Variants in SLCO2A1 observed in about 807,000 individuals in gnomAD.
The protein encoded by SLCO2A1 is solute carrier organic anion transporter family member 2A1, also known as matrin F/G 1.
A neutral mutation model predicts 71.7 loss-of-function variants in SLCO2A1; 60 were observed. The ratio of observed to expected loss-of-function variants is 0.84; its 90% CI spans 0.68 to 1.04. The LOEUF (loss-of-function observed/expected upper bound fraction) is 1.04. Ranked by LOEUF, SLCO2A1 falls within the 50% of genes least tolerant of loss-of-function variation. The pLI, the probability that SLCO2A1 is intolerant of heterozygous loss-of-function variation, is 0.00. For synonymous variants in SLCO2A1, 308 were observed against 326.7 expected (o/e 0.94, Z 0.62); for missense variants, 745 against 813.4 (o/e 0.92, Z 1.02).
Position 133,942,584 on chromosome 3 carries a change from TC to T in SLCO2A1, c.1625+20del, listed in dbSNP as rs1933453052. Reference sequence around the variant, plus strand: ...GGGAAGGAGAAGCCACGCCCCAGACTCACAGAGGTTTGCCACTCACCGCAGA... The same window carrying T: ...GGGAAGGAGAAGCCACGCCCCAGACTACAGAGGTTTGCCACTCACCGCAGA... On this transcript the variant is annotated intron_variant, in intron 11 of 13. Transcript: ENST00000310926. 1.9e-6 allele frequency: 3 copies of T among 1,592,540 alleles called. No individual in the cohort carries two copies. In the African/African-American group the frequency reaches 4.0e-5, roughly 21 times the overall value.
intron 3 of SLCO2A1, among the ~76,000 whole-genome samples, chr3:133,973,236 G>A (rs1436961021): frequency 6.6e-6 from 1 of 152,216 alleles, no homozygotes; most frequent in Non-Finnish European, 1.5e-5. Context: ...ACTCAACATA[G>A]TAAACATGAT....
At position 133,961,708 on chromosome 3, in the gene SLCO2A1, A is replaced by G. The variant is rs549712823; in HGVS notation, c.398-6515T>C. Among the ~76,000 whole-genome samples the G allele has an allele frequency of 8.0e-4, 114 of 142,970 alleles. 1 individual carries two copies. The Middle Eastern group carries it at 0.021, about 26-fold the overall frequency. 93.8% of individuals were successfully genotyped at this position (142,970 alleles called of 152,430 possible). ...TAAAATATGTATTTAAAAATAATCA[A>G]TGGGCCCCAATTACATCCAAGTCTA... On this transcript the variant is annotated intron_variant, in intron 3 of 13. Transcript: ENST00000310926.
intron 1 of SLCO2A1, among the ~76,000 whole-genome samples, chr3:134,024,641 C>G (rs999355460): frequency 6.6e-6 from 1 of 152,182 alleles, no homozygotes; most frequent in African/African-American, 2.4e-5. Context: ...AAGCCTGGCC[C>G]CCAGGTTTAA....
intron 1 of SLCO2A1, among the ~76,000 whole-genome samples, chr3:134,009,619 C>T (rs905635723): frequency 6.6e-6 from 1 of 152,220 alleles, no homozygotes; most frequent in Non-Finnish European, 1.5e-5. Context: ...CGTAAATGCT[C>T]ATGTGCCATA....
At chr3:133,940,397 G>A (rs968669069) in intron 11 of SLCO2A1, among the ~76,000 whole-genome samples, 3 of 152,124 alleles carry the variant, frequency 2.0e-5, no homozygotes, top group Admixed American at 6.5e-5. Flanking sequence ...ACCCCAACTC[G>A]ACCTAGAAAG....
intron 11 of SLCO2A1, chr3:133,942,339 AG>A: frequency 2.9e-6 from 1 of 344,892 alleles, no homozygotes; most frequent in Non-Finnish European, 5.2e-6. Flanking sequence ...AGGCGCCAAC[AG>A]GGCCTGTGTC....
At position 134,024,685 on chromosome 3, in the gene SLCO2A1, G is replaced by A. The variant is rs574061000; in HGVS notation, c.96+5022C>T. On this transcript the variant is annotated intron_variant, in intron 1 of 13. Transcript: ENST00000310926. ...GCAGCAACAAGGGCCTTCTTGTCCT[G>A]TTAGCACAAGAAGCAGATAAACTAA... is the stretch of plus-strand genomic sequence containing the variant. 2.0e-5 allele frequency among the ~76,000 whole-genome samples: 3 copies of A among 152,328 alleles called. No homozygotes were observed. The East Asian group carries it at 5.8e-4, about 29-fold the overall frequency.
intron 1 of SLCO2A1, among the ~76,000 whole-genome samples, chr3:133,985,320 C>G (rs143959531): frequency 6.6e-6 from 1 of 152,342 alleles, no homozygotes; most frequent in African/African-American, 2.4e-5. Context: ...TTTAAGTCAA[C>G]CTTCCCATGC....
chr3:133,965,773 C>CAGGCAGCTTGGG (rs57891256), intron 3 of SLCO2A1, among the ~76,000 whole-genome samples: 2 of 146,094 alleles, frequency 1.4e-5, no homozygotes, highest in Non-Finnish European at 3.0e-5. Context: ...GCACTGGGCC[C>CAGGCAGCTTGGG]CCAAAGGGCT....
At position 133,947,458 on chromosome 3, in the gene SLCO2A1, A is replaced by T. The variant is rs1933616601; in HGVS notation, c.1106-13T>A. 6.2e-7 allele frequency: 1 copy of T among 1,605,936 alleles called. No homozygotes were observed. The highest frequency in any genetic ancestry group is 2.2e-5 in the East Asian group (1 of 44,748). On this transcript the variant is annotated splice_polypyrimidine_tract_variant and intron_variant, in intron 8 of 13. Transcript: ENST00000310926. ...AGGTTCACAGCACCTATAAGTGGAA[A>T]GAAGGAGGTGATCCAGGTGCACAGG... is the stretch of plus-strand genomic sequence containing the variant.
chr3:133,948,884 G>T lies in SLCO2A1; in HGVS notation c.940+9C>A. The stretch of plus-strand genomic sequence containing the variant: ...GTGCCAGCCCACCCAGGGCTGTAGG[G>T]TCAGTTACGTTTAATGAAATCCACC... On this transcript the variant is annotated intron_variant, in intron 7 of 13. Transcript: ENST00000310926. 6.2e-7 allele frequency: 1 copy of T among 1,613,626 alleles called. No homozygotes were observed. Among genetic ancestry groups the T allele is most frequent in the East Asian group, 2.2e-5 (1 of 44,872 alleles).
At chr3:133,955,303 C>G (rs1933860051) in intron 3 of SLCO2A1, 110 bp from the exon 4 acceptor site, 1 of 866,408 alleles carries the variant, frequency 1.2e-6, no homozygotes, top group Admixed American at 2.7e-5. Context: ...CCAACTTTGG[C>G]CAGAGGCTGT....
At chr3:133,973,185 A>G (rs751391385) in intron 3 of SLCO2A1, among the ~76,000 whole-genome samples, 2 of 152,230 alleles carry the variant, frequency 1.3e-5, no homozygotes, top group Non-Finnish European at 2.9e-5. Context: ...AATGTTAAAT[A>G]TAAGGGTAAT....
intron 1 of SLCO2A1, among the ~76,000 whole-genome samples, chr3:133,992,821 C>A (rs930361572): frequency 6.6e-6 from 1 of 152,174 alleles, no homozygotes; most frequent in African/African-American, 2.4e-5. Context: ...TCCAGCTGAG[C>A]CACTTTCATT....
rs1418080587 is a variant in SLCO2A1, at chr3:133,934,618, C to G, written c.*95G>C. 12 of 899,380 alleles carry G rather than the reference C, an allele frequency of 1.3e-5. No individual in the cohort carries two copies. The highest frequency in any genetic ancestry group is 2.1e-5 in the Non-Finnish European group (12 of 569,490). The allele number at this position is 899,380 out of a possible 1,614,324, so 55.7% of individuals were successfully genotyped here. A position where few individuals can be genotyped will look rare whatever the true frequency, so the allele number is the denominator to read the frequency against. On this transcript the variant is annotated 3_prime_UTR_variant, in exon 14 of 14. Transcript: ENST00000310926. ...GGGTTTTCTTTCTTGTTTAAAAATACAAAAAGGAAATGACGTGTTAACATT... is the reference window on the plus strand; with the variant it reads ...GGGTTTTCTTTCTTGTTTAAAAATAGAAAAAGGAAATGACGTGTTAACATT...
At chr3:133,981,736 G>A (rs1452962336) in intron 1 of SLCO2A1, among the ~76,000 whole-genome samples, 2 of 152,108 alleles carry the variant, frequency 1.3e-5, no homozygotes, top group African/African-American at 4.8e-5. Context: ...CAGCACTTTG[G>A]GACTTCGAAG....
chr3:134,022,758 G>A (rs928645074), intron 1 of SLCO2A1, among the ~76,000 whole-genome samples: 9 of 152,286 alleles, frequency 5.9e-5, no homozygotes, highest in African/African-American at 2.2e-4. Context: ...AAAATCATAT[G>A]AGAAGCACTG....
In SLCO2A1 at chr3:134,029,799, C is replaced by T. The variant is rs1187873219; in HGVS notation, c.4G>A (p.Gly2Arg). ...GACGCGCCGAGCTTGGGCAGGAGCC[C>T]CATGGCTGCGGGCGGCTGGCCGGGC... M[G>R]LLPKLGASQG... Residue 2 changes from glycine (G) to arginine (R), a missense_variant, in exon 1 of 14, where the codon GGG becomes AGG. Gly to Arg is a moderately radical substitution (Grantham distance 125, BLOSUM62 -2). Coordinates refer to ENST00000310926, the MANE Select transcript of SLCO2A1 (RefSeq NM_005630.3). The T allele has an allele frequency of 2.0e-6, 3 of 1,470,686 alleles. No homozygotes were observed. Among genetic ancestry groups the T allele is most frequent in the East Asian group, 2.9e-5 (1 of 34,902 alleles). The allele number at this position is 1,470,686 out of a possible 1,614,324, so 91.1% of individuals were successfully genotyped here.
At chr3:133,988,197 GAC>G (rs1347186128) in intron 1 of SLCO2A1, among the ~76,000 whole-genome samples, 1 of 152,138 alleles carries the variant, frequency 6.6e-6, no homozygotes, top group Non-Finnish European at 1.5e-5. Context: ...CATTAACATT[GAC>G]ACAGTCTGTA....
Sources: gnomAD v4.1 joint callset for allele counts (sites outside exome capture counted in the v4.1 genomes callset) on GRCh38, gnomAD v4.1.1 for gene constraint, MANE v1.5 for transcripts, NCBI Gene and HGNC (gene_info 2026-07-23, HGNC 2026-07-21) for gene names.